Variants in USH2A observed in about 807,000 individuals in gnomAD.
USH2A encodes the protein Usher syndrome 2A (autosomal recessive, mild).
Under a neutral mutation model 538.9 loss-of-function variants are expected in USH2A, and 443 were observed. That is an observed-to-expected ratio of 0.82 (90% confidence interval 0.76 to 0.89). USH2A has a LOEUF of 0.89. Among genes scored for constraint, USH2A ranks in the 40% least tolerant of loss-of-function variants. The pLI, the probability that USH2A is intolerant of heterozygous loss-of-function variation, is 0.00. For synonymous variants in USH2A, 2,413 were observed against 2,273.5 expected, an observed-to-expected ratio of 1.06 and a Z score of -1.75; for missense variants, 6,633 against 6,324.8, an observed-to-expected ratio of 1.05 and a Z score of -1.65.
At chr1:215,846,163 A>G in intron 44 of USH2A, 130 bp from the exon 45 acceptor site, 1 of 851,396 alleles carries the variant, frequency 1.2e-6, no homozygotes, top group Admixed American at 2.4e-5. Context: ...AAATGTTAAA[A>G]AAAGCTTATG....
chr1:215,895,617 AAGTAAAGCAGGACCCAGGC>A (rs1665317654), intron 40 of USH2A, among the ~76,000 whole-genome samples: 1 of 152,206 alleles, frequency 6.6e-6, no homozygotes, highest in South Asian at 2.1e-4. Context: ...CTGAGGGGAA[AAGTAAAGCAGGACCCAGGC>A]AGTAAGACAA....
chr1:216,031,598 C>T (rs890395413), intron 32 of USH2A, among the ~76,000 whole-genome samples: 12 of 152,180 alleles, frequency 7.9e-5, no homozygotes, highest in Non-Finnish European at 1.6e-4. Context: ...GCTACACAGA[C>T]TCAGTCTTCG....
chr1:215,986,714 C>T (rs1226476650), intron 35 of USH2A, among the ~76,000 whole-genome samples: 1 of 152,200 alleles, frequency 6.6e-6, no homozygotes, highest in East Asian at 1.9e-4. Flanking sequence ...ACATAATCAT[C>T]AAATGTGCTC....
rs1378532907 is a variant in USH2A, at chr1:215,732,553, T to C, written c.11712-4169A>G. On this transcript the variant is annotated intron_variant, in intron 60 of 71. Transcript: ENST00000307340. ...TTCTCCTTTTTTCTTTCTTTTTTTT[T>C]TTTTTTTTTTTTTTTTTTTGCTCTG... 7.5e-3 allele frequency among the ~76,000 whole-genome samples: 936 copies of C among 124,256 alleles called. 5 individuals carry two copies. The highest frequency in any genetic ancestry group is 0.012 in the Non-Finnish European group (678 of 58,830). 81.5% of individuals were successfully genotyped at this position (124,256 alleles called of 152,430 possible).
chr1:216,238,373 T>A (rs538579276), intron 13 of USH2A, among the ~76,000 whole-genome samples: 1 of 152,274 alleles, frequency 6.6e-6, no homozygotes, highest in South Asian at 2.1e-4. Context: ...TGGCCTCTGA[T>A]TAAGTGCCTA....
intron 37 of USH2A, among the ~76,000 whole-genome samples, chr1:215,961,531 T>C (rs1444277645): frequency 6.6e-6 from 1 of 151,378 alleles, no homozygotes; most frequent in Non-Finnish European, 1.5e-5. Context: ...ATTAGAAATA[T>C]ATAAATATTG....
At chr1:216,047,226 A>C (rs1286409125) in intron 31 of USH2A, among the ~76,000 whole-genome samples, 1 of 152,164 alleles carries the variant, frequency 6.6e-6, no homozygotes, top group Non-Finnish European at 1.5e-5. Context: ...TTTAAAAATA[A>C]AAAAGGAAAT....
In USH2A at chr1:216,410,809, C is replaced by T. The variant is rs187768728; in HGVS notation, c.651+7705G>A. On this transcript the variant is annotated intron_variant, in intron 3 of 71. Transcript: ENST00000307340. ...TTACATATTCCTTCATCAACAAGCCCTTTAATTTAATTCTTAAACTCCTCT... is the reference window on the plus strand; with the variant it reads ...TTACATATTCCTTCATCAACAAGCCTTTTAATTTAATTCTTAAACTCCTCT... Among the ~76,000 whole-genome samples the T allele has an allele frequency of 5.0e-3, 761 of 152,174 alleles. 10 individuals are homozygous for T. The highest frequency in any genetic ancestry group is 0.017 in the African/African-American group (721 of 41,538).
At chr1:216,010,244 C>G (rs184548063) in intron 32 of USH2A, among the ~76,000 whole-genome samples, 3 of 152,164 alleles carry the variant, frequency 2.0e-5, no homozygotes, top group Non-Finnish European at 4.4e-5. Flanking sequence ...AGCGGCCAGG[C>G]CTTCCTCCAG....
chr1:216,399,576 A>G (rs1329880031), intron 3 of USH2A, among the ~76,000 whole-genome samples: 1 of 152,038 alleles, frequency 6.6e-6, no homozygotes, highest in African/African-American at 2.4e-5. Context: ...TGATAGGAGG[A>G]GGGTTACTTG....
At position 216,406,706 on chromosome 1, in the gene USH2A, T is replaced by C. The variant is rs2039403174; in HGVS notation, c.651+11808A>G. Among the ~76,000 whole-genome samples the C allele has an allele frequency of 2.0e-5, 3 of 152,256 alleles. 1 individual carries two copies. The South Asian group carries it at 6.2e-4, about 32-fold the overall frequency. ...GGTCACTAGTTTTCTCAATATATGT[T>C]CCCATAGATTTCATCTCATTTGCAG... On this transcript the variant is annotated intron_variant, in intron 3 of 71. Coordinates refer to ENST00000307340, the MANE Select transcript of USH2A (RefSeq NM_206933.4).
intron 35 of USH2A, among the ~76,000 whole-genome samples, chr1:215,978,046 A>T (rs1667664199): frequency 6.6e-6 from 1 of 152,122 alleles, no homozygotes; most frequent in African/African-American, 2.4e-5. Context: ...AGAATCACTC[A>T]GGCCCAGGAG....
At chr1:215,785,206 G>C (rs1296709806) in intron 52 of USH2A, among the ~76,000 whole-genome samples, 1 of 152,190 alleles carries the variant, frequency 6.6e-6, no homozygotes, top group African/African-American at 2.4e-5. Flanking sequence ...TGACACATGA[G>C]AGAGCTAGTG....
intron 21 of USH2A, among the ~76,000 whole-genome samples, chr1:216,140,026 C>T (rs976506559): frequency 1.3e-5 from 2 of 152,192 alleles, no homozygotes; most frequent in African/African-American, 2.4e-5. Context: ...AAGCTTCCTT[C>T]AGACAAGGAC....
chr1:216,050,885 G>A (rs903816919), intron 30 of USH2A, among the ~76,000 whole-genome samples: 36 of 151,828 alleles, frequency 2.4e-4, no homozygotes, highest in East Asian at 1.8e-3. Context: ...GATTACAGGC[G>A]TGAGCCACTG....
At chr1:215,954,624 C>G (rs1667017483) in intron 37 of USH2A, among the ~76,000 whole-genome samples, 1 of 151,478 alleles carries the variant, frequency 6.6e-6, no homozygotes, top group African/African-American at 2.4e-5. Context: ...AAATGACGAG[C>G]TAATGGGTGC....
At chr1:215,855,595 C>T (rs1664142179) in intron 44 of USH2A, among the ~76,000 whole-genome samples, 1 of 151,988 alleles carries the variant, frequency 6.6e-6, no homozygotes. Context: ...AAATTCAATG[C>T]AATTCCCATC....
At position 215,808,318 on chromosome 1, in the gene USH2A, C is replaced by A. The variant is rs566501465; in HGVS notation, c.9739+5418G>T. Among the ~76,000 whole-genome samples the A allele has an allele frequency of 5.9e-5, 9 of 152,142 alleles. 1 individual carries two copies. In the South Asian group the frequency reaches 1.9e-3, roughly 32 times the overall value. On this transcript the variant is annotated intron_variant, in intron 49 of 71. Coordinates refer to ENST00000307340, the MANE Select transcript of USH2A (RefSeq NM_206933.4). ...GTCATCACATTATTATAAAACACAC[C>A]ATCTCTAGGAGCTCAACCTAAAATT...
chr1:216,170,554 G>A (rs2034255948), intron 21 of USH2A, among the ~76,000 whole-genome samples: 1 of 152,038 alleles, frequency 6.6e-6, no homozygotes, highest in Non-Finnish European at 1.5e-5. Context: ...TCTGGGCAGG[G>A]TCACCAGTAA....
Sources: allele counts gnomAD v4.1 joint callset (sites outside exome capture counted in the v4.1 genomes callset), GRCh38; gene constraint gnomAD v4.1.1; transcripts MANE v1.5; gene names NCBI Gene and HGNC (gene_info 2026-07-23, HGNC 2026-07-21).